Variants in PLCL1 observed in about 807,000 individuals in gnomAD.
The protein encoded by PLCL1 is phospholipase C like 1 (inactive).
PLCL1 carries 41 observed loss-of-function variants against 84.4 expected under a neutral mutation model. The observed-to-expected ratio is 0.49, with a 90% CI of 0.38 to 0.63. The LOEUF is 0.63. PLCL1 is among the 30% of genes least tolerant of loss of function. The probability of loss-of-function intolerance (pLI) is 0.00; values close to 1 mark genes in which losing one functional copy is unlikely to be tolerated. For synonymous variants in PLCL1, 490 were observed against 488.3 expected, an observed-to-expected ratio of 1.00 and a Z score of -0.05; for missense variants, 1,206 against 1,367.8, an observed-to-expected ratio of 0.88 and a Z score of 1.87.
At chr2:198,097,639 A>C (rs1420522218) in intron 3 of PLCL1, among the ~76,000 whole-genome samples, 3 of 152,218 alleles carry the variant, frequency 2.0e-5, no homozygotes, top group African/African-American at 7.2e-5. Context: ...AGAGAAAAAA[A>C]ATGATCTGTT....
intron 1 of PLCL1, among the ~76,000 whole-genome samples, chr2:198,074,305 T>C (rs1465675898): frequency 6.6e-6 from 1 of 152,244 alleles, no homozygotes; most frequent in Non-Finnish European, 1.5e-5. Flanking sequence ...AATGATTTTC[T>C]TATTTTTATA....
chr2:197,819,417 A>G (rs1209484665), intron 1 of PLCL1, among the ~76,000 whole-genome samples: 3 of 152,162 alleles, frequency 2.0e-5, no homozygotes, highest in African/African-American at 2.4e-5. Flanking sequence ...ATGAAACACT[A>G]TGGAATCTGA....
At chr2:197,850,079 C>T (rs541632536) in intron 1 of PLCL1, among the ~76,000 whole-genome samples, 2 of 145,276 alleles carry the variant, frequency 1.4e-5, no homozygotes, top group Non-Finnish European at 3.0e-5. Context: ...CACACACACA[C>T]GACTGCAGCC....
At chr2:197,839,311 C>A (rs980806172) in intron 1 of PLCL1, among the ~76,000 whole-genome samples, 3 of 152,190 alleles carry the variant, frequency 2.0e-5, no homozygotes, top group Admixed American at 1.3e-4. Flanking sequence ...AGTCCCCAAC[C>A]TTTTCAGCAT....
intron 1 of PLCL1, among the ~76,000 whole-genome samples, chr2:198,033,994 T>G (rs17520121): frequency 0.17 from 26,145 of 152,064 alleles, 2,327 homozygotes; most frequent in East Asian, 0.26. Flanking sequence ...TTTATTAGCT[T>G]TTTCTTTTCT....
chr2:197,894,322 G>A (rs753332063), intron 1 of PLCL1, among the ~76,000 whole-genome samples: 2 of 151,992 alleles, frequency 1.3e-5, no homozygotes, highest in Admixed American at 6.6e-5. Context: ...TCTATTTGGA[G>A]CAAATAGCAT....
At chr2:197,935,850 C>A (rs1204787338) in intron 1 of PLCL1, among the ~76,000 whole-genome samples, 1 of 152,154 alleles carries the variant, frequency 6.6e-6, no homozygotes, top group African/African-American at 2.4e-5. Context: ...ATAGATCTCC[C>A]AAACTTATTT....
chr2:197,843,627 AC>A (rs1256414852), intron 1 of PLCL1, among the ~76,000 whole-genome samples: 11 of 152,292 alleles, frequency 7.2e-5, no homozygotes, highest in Middle Eastern at 3.4e-3. Flanking sequence ...CTCACTTTTG[AC>A]TTAAAGGTCA....
intron 1 of PLCL1, among the ~76,000 whole-genome samples, chr2:198,023,750 G>T (rs1691194896): frequency 6.6e-6 from 1 of 152,178 alleles, no homozygotes; most frequent in Non-Finnish European, 1.5e-5. Context: ...GGAAACAATA[G>T]ATGCAGGAGA....
At chr2:197,921,009 T>C (rs1688690591) in intron 1 of PLCL1, among the ~76,000 whole-genome samples, 1 of 152,210 alleles carries the variant, frequency 6.6e-6, no homozygotes, top group Non-Finnish European at 1.5e-5. Context: ...TCATAGAGTA[T>C]ACTCACATTG....
At chr2:198,021,765 C>CA (rs912680931) in intron 1 of PLCL1, among the ~76,000 whole-genome samples, 11 of 151,624 alleles carry the variant, frequency 7.3e-5, no homozygotes, top group Admixed American at 2.6e-4. Flanking sequence ...GCCTACCAAC[C>CA]AAAAAAAAGA....
At chr2:197,922,537 C>A (rs1688724083) in intron 1 of PLCL1, among the ~76,000 whole-genome samples, 1 of 127,474 alleles carries the variant, frequency 7.8e-6, no homozygotes, top group Non-Finnish European at 1.7e-5. Flanking sequence ...GCACACCTCC[C>A]AGACGGGGTG....
intron 1 of PLCL1, among the ~76,000 whole-genome samples, chr2:197,887,113 C>T (rs948274144): frequency 2.6e-5 from 4 of 152,122 alleles, no homozygotes; most frequent in Admixed American, 6.5e-5. Context: ...GAATTTCTTG[C>T]GTATCTTTCC....
chr2:197,923,262 C>T (rs1262150810), intron 1 of PLCL1, among the ~76,000 whole-genome samples: 15 of 148,502 alleles, frequency 1.0e-4, no homozygotes, highest in African/African-American at 3.3e-4. Context: ...GGGCTGACCC[C>T]CCCCACCTCC....
chr2:197,916,978 T>C (rs565942194), intron 1 of PLCL1, among the ~76,000 whole-genome samples: 2 of 152,240 alleles, frequency 1.3e-5, no homozygotes, highest in East Asian at 3.9e-4. Context: ...CCTATTAGAA[T>C]GGCAAAAATC....
chr2:197,887,294 T>TAA (rs1473424311), intron 1 of PLCL1, among the ~76,000 whole-genome samples: 1 of 152,200 alleles, frequency 6.6e-6, no homozygotes, highest in African/African-American at 2.4e-5. Context: ...CAAATTCAGT[T>TAA]AATTCTGAGG....
At chr2:198,035,256 T>C (rs1337772531) in intron 1 of PLCL1, among the ~76,000 whole-genome samples, 2 of 152,206 alleles carry the variant, frequency 1.3e-5, no homozygotes, top group Non-Finnish European at 2.9e-5. Context: ...TAGCAATAAC[T>C]GTATGAATTC....
chr2:197,990,978 G>T (rs950844794), intron 1 of PLCL1, among the ~76,000 whole-genome samples: 3 of 152,094 alleles, frequency 2.0e-5, no homozygotes, highest in Non-Finnish European at 4.4e-5. Flanking sequence ...AATCCTGGAG[G>T]GAGTGAAGGT....
intron 1 of PLCL1, among the ~76,000 whole-genome samples, chr2:197,893,372 G>A (rs1453100997): frequency 6.6e-6 from 1 of 152,156 alleles, no homozygotes. Flanking sequence ...CAGTGCCATA[G>A]TATATTTGTT....
Sources: gnomAD v4.1 joint callset for allele counts (sites outside exome capture counted in the v4.1 genomes callset) on GRCh38, gnomAD v4.1.1 for gene constraint, MANE v1.5 for transcripts, NCBI Gene and HGNC (gene_info 2026-07-23, HGNC 2026-07-21) for gene names.